ALMS1: variants seen among roughly 807,000 people sequenced by gnomAD.
ALMS1 encodes the protein centrosome-associated protein ALMS1.
In ALMS1, 271 loss-of-function variants were observed where a neutral mutation model predicts 352.2. That is an observed-to-expected ratio of 0.77 (90% CI 0.70 to 0.85). ALMS1 has a LOEUF of 0.85. Ranked by LOEUF, ALMS1 falls within the 40% of genes least tolerant of loss-of-function variation. The probability of loss-of-function intolerance (pLI) is 0.00; values close to 1 mark genes in which losing one functional copy is unlikely to be tolerated. For synonymous variants in ALMS1, 1,865 were observed against 1,761.2 expected (o/e 1.06, Z -1.48); for missense variants, 5,445 against 4,870.7 (o/e 1.12, Z -3.51).
intron 10 of ALMS1, among the ~76,000 whole-genome samples, chr2:73,494,992 C>G (rs1281973845): frequency 1.3e-5 from 2 of 152,056 alleles, no homozygotes; most frequent in Non-Finnish European, 2.9e-5. Context: ...AATTGGAATT[C>G]TTCTGTAAGG....
rs147142936 is a variant in ALMS1, at chr2:73,511,670, T to G, written c.9540-8105T>G. ...TTATTACATGACCATAAGTTTTTTA[T>G]TTCTCTATGACAGTGGGTCTCAACT... On this transcript the variant is annotated intron_variant, in intron 10 of 22. Transcript: ENST00000613296. Among the ~76,000 whole-genome samples the G allele has an allele frequency of 1.4e-4, 22 of 152,326 alleles. No homozygotes were observed. The East Asian group carries it at 4.3e-3, about 29-fold the overall frequency.
In ALMS1 at chr2:73,490,787, G is replaced by C. The variant is rs760340416; in HGVS notation, c.8828G>C (p.Arg2943Thr). Residue 2943 changes from arginine to threonine, a missense_variant, in exon 10 of 23, where the codon AGA (arginine) becomes ACA (threonine). Physicochemically the swap from Arg to Thr is moderately conservative, Grantham distance 71 (BLOSUM62 -1). Coordinates refer to ENST00000613296, the MANE Select transcript of ALMS1 (RefSeq NM_001378454.1). ...GCCCCATATGTAGATCATCAAATGA[G>C]AGAAAACCATTCTCCCCTTCCTCAA... ...CKAPYVDHQM[R>T]ENHSPLPQGQ... is the part of the protein sequence containing the mutation. 1 of 1,614,026 alleles carries C rather than the reference G, an allele frequency of 6.2e-7. No individual in the cohort carries two copies. The highest frequency in any genetic ancestry group is 1.7e-5 in the Admixed American group (1 of 60,020).
chr2:73,450,847 A>G lies in ALMS1; in HGVS notation c.4320A>G (p.Gln1440=), dbSNP rs752152614. ...CAGAGAAGCCTGGTAGTTTCTACCA[A>G]CAGGTCTTGCCACATAGTCATCTAC... is the stretch of plus-strand genomic sequence containing the variant. The part of the protein sequence containing the change: ...SHTEKPGSFY[Q]QVLPHSHLPE... The change falls in exon 8 of 23, where the codon CAA becomes CAG. Residue 1440 remains glutamine (Q), a synonymous_variant. Transcript: ENST00000613296. The G allele has an allele frequency of 5.0e-6, 8 of 1,614,018 alleles. No homozygotes were observed. The highest frequency in any genetic ancestry group is 6.8e-6 in the Non-Finnish European group (8 of 1,179,996).
chr2:73,415,553 T>C (rs1671168822), intron 2 of ALMS1, among the ~76,000 whole-genome samples: 1 of 152,202 alleles, frequency 6.6e-6, no homozygotes, highest in Non-Finnish European at 1.5e-5. Flanking sequence ...TCTCCTGCTC[T>C]ACAATTATTG....
intron 1 of ALMS1, among the ~76,000 whole-genome samples, chr2:73,406,255 G>T (rs1199413115): frequency 6.6e-6 from 1 of 152,044 alleles, no homozygotes; most frequent in South Asian, 2.1e-4. Flanking sequence ...TTTGTCTATG[G>T]TATCAGTTTT....
rs181849487 is a variant in ALMS1 at position 73,475,929 on chromosome 2, C to T, written c.7675-13705C>T. On this transcript the variant is annotated intron_variant, in intron 9 of 22. Transcript: ENST00000613296. ...TATACATAAAATTTATCATCTTAACCATTGTTAAGTATATGGTTCAGTGGC... is the reference window on the plus strand; with the variant it reads ...TATACATAAAATTTATCATCTTAACTATTGTTAAGTATATGGTTCAGTGGC... 4.2e-3 allele frequency among the ~76,000 whole-genome samples: 626 copies of T among 150,392 alleles called. 2 individuals carry two copies. The highest frequency in any genetic ancestry group is 0.024 in the Middle Eastern group (7 of 294).
chr2:73,391,433 A>G (rs1670643536), intron 1 of ALMS1, among the ~76,000 whole-genome samples: 1 of 151,122 alleles, frequency 6.6e-6, no homozygotes, highest in African/African-American at 2.4e-5. Flanking sequence ...AGCTGCGACT[A>G]CAGGCGCCCG....
intron 9 of ALMS1, among the ~76,000 whole-genome samples, chr2:73,489,236 G>A (rs1672921636): frequency 6.6e-6 from 1 of 152,222 alleles, no homozygotes; most frequent in South Asian, 2.1e-4. Flanking sequence ...TCCCATTGGT[G>A]TCAGTCTAGT....
rs182866773 is a variant in ALMS1 at position 73,600,450 on chromosome 2, C to A, written c.11669-228C>A. 1.5e-3 allele frequency among the ~76,000 whole-genome samples: 222 copies of A among 152,292 alleles called. 1 individual carries two copies. Among genetic ancestry groups the A allele is most frequent in the African/African-American group, 4.6e-3 (191 of 41,554 alleles). ...CCCATATTCATTCTTCTTTCCCTCT[C>A]ATACCTAAAATGAGTTACAAATAAA... On this transcript the variant is annotated intron_variant, in intron 17 of 22. Coordinates refer to ENST00000613296, the MANE Select transcript of ALMS1 (RefSeq NM_001378454.1).
chr2:73,607,939 GGCTTC>G (rs1228964424), intron 21 of ALMS1, among the ~76,000 whole-genome samples: 3 of 151,784 alleles, frequency 2.0e-5, no homozygotes, highest in Admixed American at 6.6e-5. Flanking sequence ...TGGGTTTACA[GGCTTC>G]AGCCACTGCA....
At chr2:73,480,781 G>A (rs1185489588) in intron 9 of ALMS1, among the ~76,000 whole-genome samples, 7 of 151,564 alleles carry the variant, frequency 4.6e-5, no homozygotes, top group Admixed American at 1.3e-4. Context: ...ACTGGTGTGA[G>A]ATGGTATCTC....
At chr2:73,390,114 A>G (rs910483647) in intron 1 of ALMS1, among the ~76,000 whole-genome samples, 3 of 152,172 alleles carry the variant, frequency 2.0e-5, no homozygotes, top group Non-Finnish European at 4.4e-5. Flanking sequence ...CTGAGAGAAT[A>G]TATGATAATA....
chr2:73,579,453 C>T (rs1020054078), intron 16 of ALMS1, among the ~76,000 whole-genome samples: 19 of 151,894 alleles, frequency 1.3e-4, no homozygotes, highest in South Asian at 4.2e-4. Flanking sequence ...CTCCACCTCC[C>T]GGGTTCAAGT....
intron 10 of ALMS1, among the ~76,000 whole-genome samples, chr2:73,518,035 G>T (rs1209269860): frequency 6.6e-6 from 1 of 151,150 alleles, no homozygotes; most frequent in Non-Finnish European, 1.5e-5. Flanking sequence ...TGTCATGGGG[G>T]TTTGTTTTAC....
intron 17 of ALMS1, among the ~76,000 whole-genome samples, chr2:73,600,408 A>C (rs1675650503): frequency 6.6e-6 from 1 of 152,166 alleles, no homozygotes; most frequent in South Asian, 2.1e-4. Flanking sequence ...CAGAGTTGAA[A>C]TCCTTTACCC....
At chr2:73,578,616 T>C (rs1351650247) in intron 16 of ALMS1, among the ~76,000 whole-genome samples, 1 of 152,166 alleles carries the variant, frequency 6.6e-6, no homozygotes, top group Non-Finnish European at 1.5e-5. Context: ...CAACTTAGCT[T>C]CAATAATATA....
chr2:73,412,086 T>C (rs1363963237), intron 2 of ALMS1, among the ~76,000 whole-genome samples: 1 of 152,226 alleles, frequency 6.6e-6, no homozygotes, highest in Non-Finnish European at 1.5e-5. Flanking sequence ...TTATTGTAGG[T>C]ATAGGTTAAA....
At chr2:73,542,603 A>G (rs1674211812) in intron 12 of ALMS1, among the ~76,000 whole-genome samples, 1 of 152,210 alleles carries the variant, frequency 6.6e-6, no homozygotes, top group Non-Finnish European at 1.5e-5. Context: ...ATGATTGTAT[A>G]TCTAGAAAAC....
chr2:73,602,300 A>C lies in ALMS1; in HGVS notation c.12230A>C (p.Asp4077Ala), dbSNP rs758417301. Residue 4077 changes from aspartate to alanine, a missense_variant, in exon 20 of 23, where the codon GAT becomes GCT. By Grantham distance (126) the Asp-to-Ala change is moderately radical. Coordinates refer to ENST00000613296, the MANE Select transcript of ALMS1 (RefSeq NM_001378454.1). Reference protein sequence around the residue: ...KLQSMLQTERDALFNIDRERQ... With the variant: ...KLQSMLQTERAALFNIDRERQ... ...CAGAGCATGTTACAGACCGAGCGGGATGCACTATTCAACATTGACAGGGAA... is the reference window on the plus strand; with the variant it reads ...CAGAGCATGTTACAGACCGAGCGGGCTGCACTATTCAACATTGACAGGGAA... The C allele has an allele frequency of 6.2e-7, 1 of 1,614,098 alleles. No individual in the cohort carries two copies. The highest frequency in any genetic ancestry group is 8.5e-7 in the Non-Finnish European group (1 of 1,180,036).
Sources: gnomAD v4.1 joint callset for allele counts (sites outside exome capture counted in the v4.1 genomes callset) on GRCh38, gnomAD v4.1.1 for gene constraint, MANE v1.5 for transcripts, NCBI Gene and HGNC (gene_info 2026-07-23, HGNC 2026-07-21) for gene names.